CCDC9: variants seen among roughly 807,000 people sequenced by gnomAD.
CCDC9 encodes the protein coiled-coil domain containing 9.
CCDC9 carries 52 observed loss-of-function variants against 65.6 expected under a neutral mutation model. The ratio of observed to expected loss-of-function variants is 0.79; its 90% CI spans 0.63 to 1.00. The LOEUF (loss-of-function observed/expected upper bound fraction) is 1.00. CCDC9 is among the 50% of genes least tolerant of loss of function. CCDC9 has a pLI of 0.00. For missense variants in CCDC9, 834 were observed against 757.2 expected, an observed-to-expected ratio of 1.10 and a Z score of -1.19; for synonymous variants, 332 against 280.3, an observed-to-expected ratio of 1.18 and a Z score of -1.84.
chr19:47,269,108 A>AG (rs2059100352), intron 8 of CCDC9, among the ~76,000 whole-genome samples: 1 of 151,976 alleles, frequency 6.6e-6, no homozygotes, highest in African/African-American at 2.4e-5. Context: ...CCTATCTCTA[A>AG]GAAAAAAAAA....
At chr19:47,274,423 G>C (rs937992846), downstream of CCDC9, 1 of 153,002 alleles carries the variant, frequency 6.5e-6, no homozygotes, top group African/African-American at 2.4e-5. Flanking sequence ...GGAGAGCGGG[G>C]ATTCCGGAAC....
rs1343255646 is a variant in CCDC9 at position 47,271,685 on chromosome 19, C to T, written c.*7C>T. The T allele has an allele frequency of 2.7e-6, 4 of 1,484,744 alleles. No homozygotes were observed. The highest frequency in any genetic ancestry group is 3.6e-6 in the Non-Finnish European group (4 of 1,100,904). The allele number at this position is 1,484,744 out of a possible 1,614,324, so 92.0% of individuals were successfully genotyped here. A position where few individuals can be genotyped will look rare whatever the true frequency, so the allele number is the denominator to read the frequency against. ...GCCTTTTGAGAGTGTATGAAGCTGG[C>T]TGCCTGTGTGTGTGTGTGTGTGTGT... On this transcript the variant is annotated 3_prime_UTR_variant, in exon 12 of 12. Transcript: ENST00000221922.
downstream of CCDC9, chr19:47,273,293 G>A (rs1405371325): frequency 3.9e-6 from 4 of 1,014,666 alleles, no homozygotes; most frequent in Non-Finnish European, 3.8e-6. Context: ...GGGGAGGGGT[G>A]CTGGGCCGGG....
Position 47,271,681 on chromosome 19 carries a change from C to A in CCDC9, c.*3C>A. On this transcript the variant is annotated 3_prime_UTR_variant, in exon 12 of 12. Transcript: ENST00000221922. ...CCTGGCCTTTTGAGAGTGTATGAAGCTGGCTGCCTGTGTGTGTGTGTGTGT... is the reference window on the plus strand; with the variant it reads ...CCTGGCCTTTTGAGAGTGTATGAAGATGGCTGCCTGTGTGTGTGTGTGTGT... The A allele has an allele frequency of 1.3e-6, 2 of 1,549,842 alleles. No individual in the cohort carries two copies. Among genetic ancestry groups the A allele is most frequent in the Non-Finnish European group, 1.7e-6 (2 of 1,147,010 alleles).
intron 3 of CCDC9, among the ~76,000 whole-genome samples, chr19:47,259,772 C>T (rs536048462): frequency 1.1e-3 from 169 of 152,302 alleles, no homozygotes; most frequent in African/African-American, 3.8e-3. Flanking sequence ...CAGATTCTGC[C>T]GTAGTGGAGG....
At chr19:47,260,136 A>G (rs1183366653) in intron 3 of CCDC9, among the ~76,000 whole-genome samples, 185 bp from the exon 4 acceptor site, 2 of 152,108 alleles carry the variant, frequency 1.3e-5, no homozygotes, top group Non-Finnish European at 2.9e-5. Flanking sequence ...TCAGAGGGGC[A>G]CCACAGGAAC....
At position 47,271,066 on chromosome 19, in the gene CCDC9, C is replaced by T; in HGVS notation, c.1086-16C>T. On this transcript the variant is annotated splice_polypyrimidine_tract_variant and intron_variant, in intron 10 of 11. Transcript: ENST00000221922. Reference sequence around the variant, plus strand: ...ACTCTCCACCCAGGCATCACCCCTCCCTCTGTTCCCTCTAGTGACCATGAT... The same window carrying T: ...ACTCTCCACCCAGGCATCACCCCTCTCTCTGTTCCCTCTAGTGACCATGAT... 2.0e-6 allele frequency: 3 copies of T among 1,526,652 alleles called. No individual in the cohort carries two copies. Among genetic ancestry groups the T allele is most frequent in the Non-Finnish European group, 2.6e-6 (3 of 1,133,214 alleles). The allele number at this position is 1,526,652 out of a possible 1,614,324, so 94.6% of individuals were successfully genotyped here. A position where few individuals can be genotyped will look rare whatever the true frequency, so the allele number is the denominator to read the frequency against.
chr19:47,264,543 C>T (rs886370368), intron 5 of CCDC9, 60 bp from the exon 6 acceptor site: 63 of 1,499,302 alleles, frequency 4.2e-5, no homozygotes, highest in Non-Finnish European at 5.7e-5. Flanking sequence ...AGCCCGTCTC[C>T]TGCACCGGCA....
rs1444227668 is a variant in CCDC9, at chr19:47,264,659, G to A, written c.519G>A (p.Lys173=). The part of the protein sequence containing the change: ...NIEKMNEEME[K]IAEYERNQRE... Reference sequence around the variant, plus strand: ...AGAAGATGAATGAGGAGATGGAGAAGATCGCCGAGTATGAGCGCAACCAGC... The same window carrying A: ...AGAAGATGAATGAGGAGATGGAGAAAATCGCCGAGTATGAGCGCAACCAGC... The change falls in exon 6 of 12, where the codon AAG becomes AAA. Residue 173 remains lysine, a synonymous_variant. Coordinates refer to ENST00000221922, the MANE Select transcript of CCDC9 (RefSeq NM_015603.3). The A allele has an allele frequency of 1.1e-5, 17 of 1,605,084 alleles. No homozygotes were observed. In the Admixed American group the frequency reaches 2.7e-4, roughly 26 times the overall value.
downstream of CCDC9, chr19:47,272,040 G>C (rs2059127658): frequency 2.4e-6 from 3 of 1,237,792 alleles, no homozygotes. Flanking sequence ...GGCGGGAAAG[G>C]GGGCTTGACT....
intron 8 of CCDC9, among the ~76,000 whole-genome samples, chr19:47,268,930 T>A (rs10417049): frequency 0.42 from 63,047 of 148,622 alleles, 13,979 homozygotes; most frequent in East Asian, 0.64. Context: ...AAAATAATAA[T>A]AATAATAATA....
At position 47,271,747 on chromosome 19, in the gene CCDC9, G is replaced by A. The variant is rs1479694932; in HGVS notation, c.*69G>A. ...TGTGTGTGTGTGCGCGCGCGCGCGC[G>A]CGCGCGCGCGCGCTAGAGGGGTGTG... On this transcript the variant is annotated 3_prime_UTR_variant, in exon 12 of 12. Coordinates refer to ENST00000221922, the MANE Select transcript of CCDC9 (RefSeq NM_015603.3). 1.8e-4 allele frequency: 200 copies of A among 1,113,422 alleles called. 4 individuals carry two copies. The East Asian group carries it at 2.3e-3, about 13-fold the overall frequency. The allele number at this position is 1,113,422 out of a possible 1,614,324, so 69.0% of individuals were successfully genotyped here.
chr19:47,273,498 A>G (rs2059137049), downstream of CCDC9: 4 of 626,388 alleles, frequency 6.4e-6, no homozygotes, highest in Non-Finnish European at 9.2e-6. Context: ...GCTCTGCACT[A>G]ACCTCCCACC....
intron 1 of CCDC9, 130 bp downstream of exon 1, chr19:47,256,739 T>C (rs1174720525): frequency 2.4e-4 from 6 of 25,086 alleles, no homozygotes; most frequent in Non-Finnish European, 4.6e-4. Flanking sequence ...GACGCCCACA[T>C]GGGAAGCTGG....
At chr19:47,266,520 G>A (rs1203369321) in intron 7 of CCDC9, 91 bp from the exon 8 acceptor site, 1 of 1,438,262 alleles carries the variant, frequency 7.0e-7, no homozygotes, top group Non-Finnish European at 9.2e-7. Flanking sequence ...TCGCTTCCCT[G>A]TGTGATCCTG....
chr19:47,271,543 C>T lies in CCDC9; in HGVS notation c.1461C>T (p.Ser487=). 2 of 1,613,238 alleles carry T rather than the reference C, an allele frequency of 1.2e-6. No individual in the cohort carries two copies. Among genetic ancestry groups the T allele is most frequent in the Non-Finnish European group, 1.7e-6 (2 of 1,179,942 alleles). ...LLEPQAPGTP[S]SPFSPPSGHQ... Reference sequence around the variant, plus strand: ...AGCCCCAGGCCCCTGGCACGCCTTCCAGCCCTTTCTCACCACCCAGCGGCC... The same window carrying T: ...AGCCCCAGGCCCCTGGCACGCCTTCTAGCCCTTTCTCACCACCCAGCGGCC... Residue 487 remains serine, a synonymous_variant, in exon 12 of 12, where the codon TCC becomes TCT. Coordinates refer to ENST00000221922, the MANE Select transcript of CCDC9 (RefSeq NM_015603.3).
At position 47,260,794 on chromosome 19, in the gene CCDC9, C is replaced by T. The variant is rs371979818; in HGVS notation, c.417C>T (p.His139=). ...GGGGCCGGGGCCGAGGTTCACCTCA[C>T]CTCTCTGGAGCTGGAGACACCTCAA... The part of the protein sequence containing the change: ...GRRGRGRGSP[H]LSGAGDTSIS... Residue 139 remains histidine (H), a synonymous_variant, in exon 5 of 12, where the codon CAC becomes CAT. Coordinates refer to ENST00000221922, the MANE Select transcript of CCDC9 (RefSeq NM_015603.3). The T allele has an allele frequency of 7.4e-6, 12 of 1,613,320 alleles. No individual in the cohort carries two copies. The African/African-American group carries it at 1.1e-4, about 14-fold the overall frequency.
chr19:47,270,697 C>G lies in CCDC9; in HGVS notation c.1085+9C>G, dbSNP rs201850534. On this transcript the variant is annotated intron_variant, in intron 10 of 11. Transcript: ENST00000221922. The stretch of plus-strand genomic sequence containing the variant: ...GCGCCCAGGGCCTACAGGTGGGGCA[C>G]CCCTTCTGCGGGCTTGCATACCCCC... The G allele has an allele frequency of 1.9e-6, 3 of 1,607,892 alleles. No individual in the cohort carries two copies. The highest frequency in any genetic ancestry group is 2.5e-6 in the Non-Finnish European group (3 of 1,178,864).
chr19:47,258,233 T>C (rs1437421527), intron 1 of CCDC9, 97 bp from the exon 2 acceptor site: 2 of 676,046 alleles, frequency 3.0e-6, no homozygotes, highest in Non-Finnish European at 5.2e-6. Context: ...GGGTACAGGG[T>C]TTTTTGTGTA....
Sources: allele counts gnomAD v4.1 joint callset (sites outside exome capture counted in the v4.1 genomes callset), GRCh38; gene constraint gnomAD v4.1.1; transcripts MANE v1.5; gene names NCBI Gene and HGNC (gene_info 2026-07-23, HGNC 2026-07-21).